The following ATG7 variants were observed in gnomAD, a reference collection of about 807,000 sequenced individuals.
The protein encoded by ATG7 is autophagy related 7.
ATG7 carries 70 observed loss-of-function variants against 82.4 expected under a neutral mutation model. That is an observed-to-expected ratio of 0.85 (90% CI 0.70 to 1.04). The LOEUF is 1.04. Ranked by LOEUF, ATG7 falls within the 50% of genes least tolerant of loss-of-function variation. The probability of loss-of-function intolerance (pLI) is 0.00; values close to 1 mark genes in which losing one functional copy is unlikely to be tolerated. For synonymous variants in ATG7, 287 were observed against 313.0 expected (o/e 0.92, Z 0.88); for missense variants, 792 against 864.3 (o/e 0.92, Z 1.05).
intron 20 of ATG7, among the ~76,000 whole-genome samples, chr3:11,548,497 G>A (rs1353208421): frequency 6.6e-6 from 1 of 152,218 alleles, no homozygotes; most frequent in Non-Finnish European, 1.5e-5. Context: ...GGCATGCTCA[G>A]AGCAGTCTCG....
chr3:11,391,431 G>A (rs181136291), intron 19 of ATG7, among the ~76,000 whole-genome samples: 6 of 152,262 alleles, frequency 3.9e-5, no homozygotes, highest in African/African-American at 9.6e-5. Flanking sequence ...TTAAGCCTAC[G>A]ACTTTAGATG....
At chr3:11,349,075 G>A (rs1238063737) in intron 14 of ATG7, among the ~76,000 whole-genome samples, 2 of 151,802 alleles carry the variant, frequency 1.3e-5, no homozygotes, top group South Asian at 2.1e-4. Flanking sequence ...TGATTGGTGC[G>A]TTTACAGTCC....
chr3:11,572,033 G>A, the ATG7 span, among the ~76,000 whole-genome samples: 1 of 151,966 alleles, frequency 6.6e-6, no homozygotes, highest in African/African-American at 2.4e-5. Context: ...CCTGAGCCCA[G>A]GAGATGGAGG....
At chr3:11,575,398 G>A in the ATG7 span, among the ~76,000 whole-genome samples, 4 of 152,180 alleles carry the variant, frequency 2.6e-5, no homozygotes, top group East Asian at 1.9e-4. Flanking sequence ...TCCAGCCTTC[G>A]AGTTTCTTTT....
rs1559801474 is a variant in ATG7 at position 11,527,092 on chromosome 3, TACATAC to T, written c.2080-27717_2080-27712del. Among the ~76,000 whole-genome samples the T allele has an allele frequency of 1.1e-4, 15 of 142,240 alleles. 1 individual carries two copies. Among genetic ancestry groups the T allele is most frequent in the Non-Finnish European group, 1.2e-4 (8 of 65,554 alleles). 93.3% of individuals were successfully genotyped at this position (142,240 alleles called of 152,430 possible). A position where few individuals can be genotyped will look rare whatever the true frequency, so the allele number is the denominator to read the frequency against. On this transcript the variant is annotated intron_variant, in intron 20 of 20. Transcript: ENST00000693202. ...GTGTGTATATATATATATATATATA[TACATAC>T]ATATACATATACACACATTTTTTTG...
chr3:11,377,084 C>T (rs1334058995), intron 18 of ATG7, among the ~76,000 whole-genome samples: 1 of 152,184 alleles, frequency 6.6e-6, no homozygotes, highest in Non-Finnish European at 1.5e-5. Flanking sequence ...TAAAAAATGA[C>T]AGGCCTCAGA....
At chr3:11,564,411 C>CG in the ATG7 span, among the ~76,000 whole-genome samples, 1 of 151,624 alleles carries the variant, frequency 6.6e-6, no homozygotes, top group African/African-American at 2.4e-5. Context: ...TAGGACCCCC[C>CG]CACCCGAGGA....
At position 11,358,594 on chromosome 3, in the gene ATG7, T is replaced by G; in HGVS notation, c.1461T>G (p.Ile487Met). ...AGAGCCGGTGGCTTCCTGCCGTCATTGCTGCAAGCAAGAGAAAGGTAGGCC... is the reference window on the plus strand; with the variant it reads ...AGAGCCGGTGGCTTCCTGCCGTCATGGCTGCAAGCAAGAGAAAGGTAGGCC... ...TRESRWLPAV[I>M]AASKRKLVIN... The change falls in exon 15 of 21, where the codon ATT becomes ATG. Residue 487 changes from isoleucine to methionine, a missense_variant. Physicochemically the swap from Ile to Met is conservative, Grantham distance 10 (BLOSUM62 1). Coordinates refer to ENST00000693202, the MANE Select transcript of ATG7 (RefSeq NM_001349232.2). 1 of 1,613,480 alleles carries G rather than the reference T, an allele frequency of 6.2e-7. No individual in the cohort carries two copies. Among genetic ancestry groups the G allele is most frequent in the Non-Finnish European group, 8.5e-7 (1 of 1,179,916 alleles).
intron 20 of ATG7, among the ~76,000 whole-genome samples, chr3:11,553,606 T>C (rs371314877): frequency 6.6e-6 from 1 of 152,002 alleles, no homozygotes; most frequent in African/African-American, 2.4e-5. Flanking sequence ...GACCCAGAGA[T>C]AGGGACACCT....
Position 11,420,753 on chromosome 3 carries a change from CTTTTTTTT to C in ATG7, c.1957-6037_1957-6030del, listed in dbSNP as rs869277638. On this transcript the variant is annotated intron_variant, in intron 19 of 20. Coordinates refer to ENST00000693202, the MANE Select transcript of ATG7 (RefSeq NM_001349232.2). ...TGCATACCTTAAGTAATACAAAATA[CTTTTTTTT>C]TTTTTTTTTTTTTGAGACAGAGTCT... 2.1e-4 allele frequency among the ~76,000 whole-genome samples: 26 copies of C among 126,044 alleles called. No individual in the cohort carries two copies. In the South Asian group the frequency reaches 4.1e-3, roughly 20 times the overall value. 82.7% of individuals were successfully genotyped at this position (126,044 alleles called of 152,430 possible).
intron 20 of ATG7, among the ~76,000 whole-genome samples, chr3:11,539,236 G>A (rs188301804): frequency 1.2e-4 from 18 of 152,160 alleles, no homozygotes; most frequent in African/African-American, 2.7e-4. Flanking sequence ...ACAGCCCTAC[G>A]AGGGAGACAG....
chr3:11,524,106 T>G lies in ATG7; in HGVS notation c.2080-30705T>G, dbSNP rs191807308. Among the ~76,000 whole-genome samples, 5 of 152,378 alleles carry G rather than the reference T, an allele frequency of 3.3e-5. No individual in the cohort carries two copies. The East Asian group carries it at 9.6e-4, about 29-fold the overall frequency. ...TTTAAAGTCTCAGTTCAAAAGCAGC[T>G]TGAAATATTCTCTGTTCCATCAAAA... is the stretch of plus-strand genomic sequence containing the variant. On this transcript the variant is annotated intron_variant, in intron 20 of 20. Coordinates refer to ENST00000693202, the MANE Select transcript of ATG7 (RefSeq NM_001349232.2).
At chr3:11,559,307 A>G, downstream of ATG7, 1 of 1,516,050 alleles carries the variant, frequency 6.6e-7, no homozygotes, top group Non-Finnish European at 8.9e-7. Flanking sequence ...CAGCTGTGAC[A>G]GGTGAGGAGG....
At chr3:11,561,613 G>T (rs919998013), downstream of ATG7, among the ~76,000 whole-genome samples, 4 of 152,194 alleles carry the variant, frequency 2.6e-5, no homozygotes, top group Non-Finnish European at 4.4e-5. Context: ...CGTCCACCTA[G>T]AACGGGCCCC....
chr3:11,356,424 T>C (rs2075939049), intron 14 of ATG7, among the ~76,000 whole-genome samples: 1 of 152,236 alleles, frequency 6.6e-6, no homozygotes, highest in Non-Finnish European at 1.5e-5. Context: ...TTAAACTCTC[T>C]AGGTGGTTCT....
intron 20 of ATG7, among the ~76,000 whole-genome samples, chr3:11,479,805 CA>C (rs932568832): frequency 6.6e-6 from 1 of 152,186 alleles, no homozygotes; most frequent in Non-Finnish European, 1.5e-5. Context: ...CTCCCTCCAC[CA>C]AATTGCCTGT....
chr3:11,510,162 C>T (rs2091975873), intron 20 of ATG7: 1 of 455,168 alleles, frequency 2.2e-6, no homozygotes, highest in African/African-American at 2.0e-5. Flanking sequence ...TGCCTGAAAT[C>T]ATATATCTTT....
chr3:11,396,782 C>CAAAA (rs776333119), intron 19 of ATG7, among the ~76,000 whole-genome samples: 1 of 94,256 alleles, frequency 1.1e-5, no homozygotes. Flanking sequence ...ACTCTGTCTC[C>CAAAA]AAAAAAAAAA....
chr3:11,434,952 C>A (rs1225305648), intron 20 of ATG7, among the ~76,000 whole-genome samples: 1 of 152,170 alleles, frequency 6.6e-6, no homozygotes, highest in Admixed American at 6.5e-5. Flanking sequence ...GTGTCCTGTG[C>A]ATGCTTCCCC....
Sources: gnomAD v4.1 joint callset for allele counts (sites outside exome capture counted in the v4.1 genomes callset) on GRCh38, gnomAD v4.1.1 for gene constraint, MANE v1.5 for transcripts, NCBI Gene and HGNC (gene_info 2026-07-23, HGNC 2026-07-21) for gene names.